Variants in FGF12 observed in about 807,000 individuals in gnomAD.
FGF12 encodes fibroblast growth factor 12B.
FGF12 carries 14 observed loss-of-function variants against 23.6 expected under a neutral mutation model. The observed-to-expected ratio is 0.59, with a 90% CI of 0.39 to 0.93. The LOEUF (loss-of-function observed/expected upper bound fraction) is 0.93. Ranked by LOEUF, FGF12 falls within the 40% of genes least tolerant of loss-of-function variation. FGF12 has a pLI of 0.00. For missense variants in FGF12, 175 were observed against 217.8 expected, an observed-to-expected ratio of 0.80 and a Z score of 1.24; for synonymous variants, 62 against 77.3, an observed-to-expected ratio of 0.80 and a Z score of 1.04.
chr3:192,538,664 C>A (rs894535952), intron 2 of FGF12, among the ~76,000 whole-genome samples: 1 of 151,922 alleles, frequency 6.6e-6, no homozygotes, highest in Admixed American at 6.6e-5. Context: ...TTTTCTATTT[C>A]TGTGAAGAAT....
chr3:192,145,721 A>G (rs546718514), intron 5 of FGF12, among the ~76,000 whole-genome samples: 2 of 152,350 alleles, frequency 1.3e-5, no homozygotes, highest in African/African-American at 2.4e-5. Context: ...CCAAAGGACT[A>G]AATGCCCTTG....
chr3:192,297,927 C>A (rs995676937), intron 4 of FGF12, among the ~76,000 whole-genome samples: 3 of 152,128 alleles, frequency 2.0e-5, no homozygotes, highest in African/African-American at 7.2e-5. Flanking sequence ...TTAAGAGCCA[C>A]AGGTTTTTCC....
intron 2 of FGF12, among the ~76,000 whole-genome samples, chr3:192,548,291 C>G (rs1725546264): frequency 6.6e-6 from 1 of 152,068 alleles, no homozygotes; most frequent in Non-Finnish European, 1.5e-5. Context: ...AGCATTGATA[C>G]ACATGTTTAA....
chr3:192,617,134 T>C (rs532198198), intron 2 of FGF12, among the ~76,000 whole-genome samples: 122 of 152,186 alleles, frequency 8.0e-4, no homozygotes, highest in Non-Finnish European at 1.5e-3. Flanking sequence ...TCAGGCTTAT[T>C]TGCATGTGTG....
intron 2 of FGF12, among the ~76,000 whole-genome samples, chr3:192,660,309 A>G (rs1184048734): frequency 2.8e-5 from 4 of 141,676 alleles, no homozygotes; most frequent in African/African-American, 1.1e-4. Flanking sequence ...GAATTGAACA[A>G]TGAGAACACA....
At chr3:192,337,038 G>C (rs559316387) in intron 3 of FGF12, among the ~76,000 whole-genome samples, 1 of 152,096 alleles carries the variant, frequency 6.6e-6, no homozygotes, top group African/African-American at 2.4e-5. Flanking sequence ...GATTTGAACT[G>C]GTTTTATTTC....
At chr3:192,599,644 T>G (rs1003955724) in intron 2 of FGF12, among the ~76,000 whole-genome samples, 2 of 152,124 alleles carry the variant, frequency 1.3e-5, no homozygotes, top group Non-Finnish European at 2.9e-5. Context: ...TACTCATTTA[T>G]TAACTAATAA....
At chr3:192,599,283 T>TAATAATAATAATAAG (rs56304120) in intron 2 of FGF12, among the ~76,000 whole-genome samples, 3 of 150,452 alleles carry the variant, frequency 2.0e-5, no homozygotes, top group South Asian at 4.2e-4. Flanking sequence ...ATAATAATAA[T>TAATAATAATAATAAG]AAAGACTGTT....
chr3:192,378,062 C>CT (rs200282662), intron 2 of FGF12, among the ~76,000 whole-genome samples: 1 of 113,346 alleles, frequency 8.8e-6, no homozygotes, highest in African/African-American at 5.0e-5. Context: ...TTCTTTCTTT[C>CT]TTTCTTTCTT....
chr3:192,364,406 G>T (rs1321679139), intron 2 of FGF12, among the ~76,000 whole-genome samples: 1 of 152,146 alleles, frequency 6.6e-6, no homozygotes, highest in African/African-American at 2.4e-5. Context: ...AGGAAGGGTT[G>T]GTTTGCTCCC....
At chr3:192,365,443 G>A (rs755983018) in intron 2 of FGF12, among the ~76,000 whole-genome samples, 5 of 152,018 alleles carry the variant, frequency 3.3e-5, no homozygotes, top group Non-Finnish European at 2.9e-5. Context: ...ATGGATTTTA[G>A]TTAAACATAC....
intron 4 of FGF12, among the ~76,000 whole-genome samples, chr3:192,248,758 C>A (rs747930426): frequency 3.9e-5 from 6 of 152,066 alleles, no homozygotes; most frequent in Non-Finnish European, 8.8e-5. Context: ...CCAGCCTGGG[C>A]AACAGAGAGA....
chr3:192,326,853 C>G (rs1240586606), intron 4 of FGF12, among the ~76,000 whole-genome samples: 1 of 152,102 alleles, frequency 6.6e-6, no homozygotes. Flanking sequence ...GCTGAGTGAC[C>G]TCATTTTAGT....
chr3:192,366,308 C>T (rs755049062), intron 2 of FGF12, among the ~76,000 whole-genome samples: 2 of 152,112 alleles, frequency 1.3e-5, no homozygotes, highest in Non-Finnish European at 2.9e-5. Flanking sequence ...ATACTAAAAT[C>T]TTCTAGGGCC....
intron 5 of FGF12, among the ~76,000 whole-genome samples, chr3:192,161,136 A>C (rs188695515): frequency 6.6e-6 from 1 of 152,200 alleles, no homozygotes; most frequent in East Asian, 1.9e-4. Context: ...GGATCATTGC[A>C]TCAGACAGTT....
intron 2 of FGF12, among the ~76,000 whole-genome samples, chr3:192,434,523 G>T (rs1160823995): frequency 6.6e-6 from 1 of 152,102 alleles, no homozygotes; most frequent in Non-Finnish European, 1.5e-5. Context: ...AGGCATATGT[G>T]TACATGTGCA....
chr3:192,308,765 C>G (rs761624334), intron 4 of FGF12, among the ~76,000 whole-genome samples: 2 of 151,938 alleles, frequency 1.3e-5, no homozygotes, highest in African/African-American at 2.4e-5. Context: ...CACTGACCTA[C>G]AGCAATCCAT....
At chr3:192,218,731 G>A (rs1245124843) in intron 4 of FGF12, among the ~76,000 whole-genome samples, 2 of 152,174 alleles carry the variant, frequency 1.3e-5, no homozygotes, top group Admixed American at 1.3e-4. Context: ...ATTCACAATT[G>A]CATACACAAC....
intron 5 of FGF12, among the ~76,000 whole-genome samples, chr3:192,167,767 ATAAAATTTTTT>A (rs1443650407): frequency 0.014 from 410 of 29,314 alleles, 30 homozygotes; most frequent in South Asian, 0.053. Flanking sequence ...ATATATATAT[ATAAAATTTTTT>A]TTTTTTTTTT....
Sources: gnomAD v4.1 joint callset for allele counts (sites outside exome capture counted in the v4.1 genomes callset) on GRCh38, gnomAD v4.1.1 for gene constraint, MANE v1.5 for transcripts, NCBI Gene and HGNC (gene_info 2026-07-23, HGNC 2026-07-21) for gene names.